Variants in HTR1E observed in about 807,000 individuals in gnomAD.
The protein encoded by HTR1E is 5-HT-1E.
In HTR1E, 3 loss-of-function variants were observed where a neutral mutation model predicts 3.4. The ratio of observed to expected loss-of-function variants is 0.89; its 90% CI spans 0.41 to 2.31. The LOEUF (loss-of-function observed/expected upper bound fraction) is 2.31, where lower values mean the gene tolerates loss of function less well. Among genes scored for constraint, HTR1E ranks in the 30% most tolerant of loss-of-function variants. HTR1E has a pLI of 0.05. For missense variants in HTR1E, 392 were observed against 467.0 expected, an observed-to-expected ratio of 0.84 and a Z score of 1.48; for synonymous variants, 170 against 182.8, an observed-to-expected ratio of 0.93 and a Z score of 0.56.
intron 1 of HTR1E, among the ~76,000 whole-genome samples, chr6:87,005,219 A>G (rs1402775949): frequency 6.6e-6 from 1 of 152,226 alleles, no homozygotes; most frequent in Non-Finnish European, 1.5e-5. Context: ...GACATTGTGC[A>G]CAGAAATGGA....
Position 87,016,214 on chromosome 6 carries a change from G to A in HTR1E, c.880G>A (p.Gly294Arg). 6.2e-7 allele frequency: 1 copy of A among 1,614,050 alleles called. No individual in the cohort carries two copies. Among genetic ancestry groups the A allele is most frequent in the Non-Finnish European group, 8.5e-7 (1 of 1,179,992 alleles). The change falls in exon 2 of 2, where the codon GGG (glycine) becomes AGG (arginine). Residue 294 changes from glycine to arginine, a missense_variant. Transcript: ENST00000305344. ...TRERKAARIL[G>R]LILGAFILSW... is the part of the protein sequence containing the mutation. ...GGAACGGAAGGCAGCACGCATCCTG[G>A]GGCTGATTCTGGGTGCATTCATTTT...
intron 1 of HTR1E, among the ~76,000 whole-genome samples, chr6:86,986,366 T>C (rs965541260): frequency 1.3e-5 from 2 of 152,204 alleles, no homozygotes; most frequent in African/African-American, 2.4e-5. Flanking sequence ...TTCATACTCA[T>C]GGTGTTTGAA....
intron 1 of HTR1E, among the ~76,000 whole-genome samples, chr6:86,948,850 G>C (rs1329559401): frequency 6.6e-6 from 1 of 152,166 alleles, no homozygotes; most frequent in African/African-American, 2.4e-5. Flanking sequence ...GGAGATTTAA[G>C]GATACATGCC....
chr6:86,997,902 A>G (rs980273601), intron 1 of HTR1E, among the ~76,000 whole-genome samples: 1 of 151,996 alleles, frequency 6.6e-6, no homozygotes, highest in Non-Finnish European at 1.5e-5. Context: ...GGATTAAAAA[A>G]GGCATGTCAT....
chr6:86,983,909 C>T (rs2127826102), intron 1 of HTR1E, among the ~76,000 whole-genome samples: 1 of 152,078 alleles, frequency 6.6e-6, no homozygotes, highest in African/African-American at 2.4e-5. Flanking sequence ...AGACCATATC[C>T]TGAATTACAA....
intron 1 of HTR1E, among the ~76,000 whole-genome samples, chr6:86,984,552 G>T (rs1767757093): frequency 6.6e-6 from 1 of 152,168 alleles, no homozygotes; most frequent in Admixed American, 6.5e-5. Flanking sequence ...TTAATTACAA[G>T]AATTTATCAG....
At chr6:87,010,837 C>G (rs936432631) in intron 1 of HTR1E, among the ~76,000 whole-genome samples, 2 of 152,190 alleles carry the variant, frequency 1.3e-5, no homozygotes, top group Non-Finnish European at 2.9e-5. Flanking sequence ...CCCGTCCGCT[C>G]CTCCAGCCGC....
chr6:86,995,432 G>A (rs975840070), intron 1 of HTR1E, among the ~76,000 whole-genome samples: 19 of 151,584 alleles, frequency 1.3e-4, no homozygotes, highest in Admixed American at 3.3e-4. Flanking sequence ...TTGGGAGGTC[G>A]AGGTGGGCGG....
chr6:86,981,001 T>C (rs1438317716), intron 1 of HTR1E, among the ~76,000 whole-genome samples: 1 of 152,174 alleles, frequency 6.6e-6, no homozygotes, highest in African/African-American at 2.4e-5. Flanking sequence ...ATGGACTGCA[T>C]AGGTTGTCTG....
At position 87,015,534 on chromosome 6, in the gene HTR1E, C is replaced by T. The variant is rs1768308247; in HGVS notation, c.200C>T (p.Thr67Met). The T allele has an allele frequency of 7.4e-6, 12 of 1,612,634 alleles. No homozygotes were observed. Among genetic ancestry groups the T allele is most frequent in the Non-Finnish European group, 9.3e-6 (11 of 1,179,052 alleles). ...ANYLICSLAV[T>M]DLLVAVLVMP... is the part of the protein sequence containing the mutation. ...TACCTAATCTGTTCTCTGGCCGTGA[C>T]GGACCTCCTGGTGGCAGTGCTCGTC... The change falls in exon 2 of 2, where the codon ACG (threonine) becomes ATG (methionine). Residue 67 changes from threonine to methionine, a missense_variant. By Grantham distance (81) the Thr-to-Met change is moderately conservative. Coordinates refer to ENST00000305344, the MANE Select transcript of HTR1E (RefSeq NM_000865.3).
intron 1 of HTR1E, among the ~76,000 whole-genome samples, chr6:86,993,551 T>G (rs1377295719): frequency 6.7e-6 from 1 of 150,284 alleles, no homozygotes; most frequent in Non-Finnish European, 1.5e-5. Context: ...CCACTATATT[T>G]CTACCAAGCA....
intron 1 of HTR1E, among the ~76,000 whole-genome samples, chr6:87,010,807 T>TGCCCTCGG (rs1484079181): frequency 6.6e-6 from 1 of 150,996 alleles, no homozygotes; most frequent in African/African-American, 2.4e-5. Context: ...GGCTGCTCCT[T>TGCCCTCGG]GCCCTCGGGC....
At chr6:86,977,599 T>G (rs1263836138) in intron 1 of HTR1E, among the ~76,000 whole-genome samples, 1 of 152,166 alleles carries the variant, frequency 6.6e-6, no homozygotes, top group East Asian at 1.9e-4. Flanking sequence ...CTGAGAAATC[T>G]CCAAACTGCC....
chr6:87,011,088 A>G (rs555687329), intron 1 of HTR1E, among the ~76,000 whole-genome samples: 1 of 152,354 alleles, frequency 6.6e-6, no homozygotes, highest in South Asian at 2.1e-4. Context: ...CTTCAACTCC[A>G]TTTGCAATAG....
chr6:86,940,567 G>C (rs1234365589), intron 1 of HTR1E, among the ~76,000 whole-genome samples: 1 of 152,056 alleles, frequency 6.6e-6, no homozygotes, highest in Non-Finnish European at 1.5e-5. Flanking sequence ...GAAAAAGAAA[G>C]TAGGTCTCTT....
chr6:86,958,999 T>C (rs866976365), intron 1 of HTR1E, among the ~76,000 whole-genome samples: 78 of 136,500 alleles, frequency 5.7e-4, no homozygotes, highest in Non-Finnish European at 6.0e-4. Context: ...AAGAGAGAGA[T>C]TGATGTTAAG....
chr6:87,014,032 T>A (rs74866054), intron 1 of HTR1E, among the ~76,000 whole-genome samples: 1 of 151,964 alleles, frequency 6.6e-6, no homozygotes, highest in East Asian at 1.9e-4. Context: ...ACACCACATG[T>A]TCTCACTCAT....
intron 1 of HTR1E, among the ~76,000 whole-genome samples, chr6:86,952,192 A>C (rs1435371712): frequency 6.6e-6 from 1 of 152,124 alleles, no homozygotes; most frequent in African/African-American, 2.4e-5. Context: ...GAATATTTCT[A>C]CACACATGTG....
At chr6:86,989,343 G>T (rs1767841418) in intron 1 of HTR1E, among the ~76,000 whole-genome samples, 1 of 152,172 alleles carries the variant, frequency 6.6e-6, no homozygotes, top group Non-Finnish European at 1.5e-5. Context: ...CTGATGAGAA[G>T]TGGTCTTGGA....
Sources: gnomAD v4.1 joint callset for allele counts (sites outside exome capture counted in the v4.1 genomes callset) on GRCh38, gnomAD v4.1.1 for gene constraint, MANE v1.5 for transcripts, NCBI Gene and HGNC (gene_info 2026-07-23, HGNC 2026-07-21) for gene names.